NAV3: variants seen among roughly 807,000 people sequenced by gnomAD.
The protein encoded by NAV3 is pore membrane and/or filament interacting like protein 1.
A neutral mutation model predicts 244.7 loss-of-function variants in NAV3; 87 were observed. The observed-to-expected ratio is 0.36, with a 90% CI of 0.30 to 0.42. NAV3 has a LOEUF of 0.42. Among genes scored for constraint, NAV3 ranks in the 20% least tolerant of loss-of-function variants. The pLI, the probability that NAV3 is intolerant of heterozygous loss-of-function variation, is 1.00. For missense variants in NAV3, 2,663 were observed against 2,893.3 expected, an observed-to-expected ratio of 0.92 and a Z score of 1.83; for synonymous variants, 1,126 against 1,042.2, an observed-to-expected ratio of 1.08 and a Z score of -1.55.
chr12:77,598,008 A>G (rs1427144503), intron 2 of NAV3, among the ~76,000 whole-genome samples: 1 of 152,060 alleles, frequency 6.6e-6, no homozygotes, highest in Admixed American at 6.6e-5. Context: ...CACTGAAAAA[A>G]ATACATCCCT....
At chr12:77,960,829 G>C (rs1193361720) in intron 3 of NAV3, among the ~76,000 whole-genome samples, 3 of 144,210 alleles carry the variant, frequency 2.1e-5, no homozygotes, top group Non-Finnish European at 3.0e-5. Context: ...TACATGTATG[G>C]TATGTGTAAT....
rs576915558 is a variant in NAV3, at chr12:77,587,947, A to G, written c.72+15681A>G. Reference sequence around the variant, plus strand: ...ATGTTAGAGTTGTGATCAAAGACACATATATAATAGTTTCCAGTCCATCAA... The same window carrying G: ...ATGTTAGAGTTGTGATCAAAGACACGTATATAATAGTTTCCAGTCCATCAA... On this transcript the variant is annotated intron_variant, in intron 2 of 8. Transcript: ENST00000550042. Among the ~76,000 whole-genome samples the G allele has an allele frequency of 2.6e-5, 4 of 152,324 alleles. No individual in the cohort carries two copies. In the East Asian group the frequency reaches 5.8e-4, roughly 22 times the overall value.
intron 1 of NAV3, among the ~76,000 whole-genome samples, chr12:77,914,580 A>G (rs562491695): frequency 1.1e-4 from 17 of 152,216 alleles, no homozygotes; most frequent in African/African-American, 4.1e-4. Context: ...AAATTCCCTC[A>G]AAGGGTTTGC....
Position 77,573,169 on chromosome 12 carries a change from G to A in NAV3, c.72+903G>A, listed in dbSNP as rs75552167. On this transcript the variant is annotated intron_variant, in intron 2 of 8. Transcript: ENST00000550042. Reference sequence around the variant, plus strand: ...ATGTGGATCTAAGGGCCATAATTAAGCTTTGTTTTTACATCAGTCTTAGAA... The same window carrying A: ...ATGTGGATCTAAGGGCCATAATTAAACTTTGTTTTTACATCAGTCTTAGAA... Among the ~76,000 whole-genome samples the A allele has an allele frequency of 1.6e-3, 238 of 152,226 alleles. 6 individuals carry two copies. The East Asian group carries it at 0.044, about 28-fold the overall frequency.
At chr12:78,103,601 C>T (rs1312403616) in intron 12 of NAV3, among the ~76,000 whole-genome samples, 1 of 152,130 alleles carries the variant, frequency 6.6e-6, no homozygotes, top group Non-Finnish European at 1.5e-5. Flanking sequence ...AAGACATACC[C>T]AAGACTGGAA....
chr12:77,762,877 C>G (rs993999661), intron 2 of NAV3, among the ~76,000 whole-genome samples: 1 of 152,118 alleles, frequency 6.6e-6, no homozygotes, highest in Admixed American at 6.5e-5. Context: ...TGGACTTTAC[C>G]TCTCCAGTAA....
intron 2 of NAV3, among the ~76,000 whole-genome samples, chr12:77,735,588 T>C (rs2137364307): frequency 6.6e-6 from 1 of 152,302 alleles, no homozygotes; most frequent in African/African-American, 2.4e-5. Flanking sequence ...TTTCCTTCTT[T>C]AAATTTTTCA....
chr12:78,010,379 T>A (rs1472556957), intron 8 of NAV3, among the ~76,000 whole-genome samples: 1 of 152,192 alleles, frequency 6.6e-6, no homozygotes, highest in Non-Finnish European at 1.5e-5. Context: ...AATTTACTTT[T>A]TGATGTTGGT....
At chr12:78,193,759 C>T (rs778753252) in intron 34 of NAV3, among the ~76,000 whole-genome samples, 3 of 152,010 alleles carry the variant, frequency 2.0e-5, no homozygotes, top group African/African-American at 4.8e-5. Flanking sequence ...TGCTTTATAC[C>T]TACCATCAGA....
At chr12:78,141,122 T>C (rs414290) in intron 20 of NAV3, among the ~76,000 whole-genome samples, 50,852 of 151,810 alleles carry the variant, frequency 0.33, 8,805 homozygotes, top group East Asian at 0.48. Context: ...TACCCATGGC[T>C]TCAAGCAATT....
intron 2 of NAV3, among the ~76,000 whole-genome samples, chr12:77,645,099 A>T (rs1399653860): frequency 6.6e-6 from 1 of 152,096 alleles, no homozygotes; most frequent in African/African-American, 2.4e-5. Flanking sequence ...CTGTTAGGCC[A>T]TGTTTTCTGG....
intron 2 of NAV3, among the ~76,000 whole-genome samples, chr12:77,771,722 A>G (rs1002842089): frequency 5.3e-5 from 8 of 151,656 alleles, no homozygotes; most frequent in Non-Finnish European, 7.4e-5. Flanking sequence ...ATGAGAACAC[A>G]TGGACACAGG....
intron 12 of NAV3, among the ~76,000 whole-genome samples, chr12:78,092,320 T>C (rs968309261): frequency 1.3e-5 from 2 of 151,640 alleles, no homozygotes; most frequent in Non-Finnish European, 2.9e-5. Context: ...AGAAAGGACG[T>C]TGGAGGGGTG....
At chr12:77,903,372 T>A (rs1346812935) in intron 1 of NAV3, among the ~76,000 whole-genome samples, 1 of 152,182 alleles carries the variant, frequency 6.6e-6, no homozygotes, top group Non-Finnish European at 1.5e-5. Context: ...TTGACAAACC[T>A]GTCAAAAACA....
chr12:77,733,984 A>G (rs1592629998), intron 2 of NAV3, among the ~76,000 whole-genome samples: 1 of 151,836 alleles, frequency 6.6e-6, no homozygotes, highest in Admixed American at 6.6e-5. Flanking sequence ...AGGTAAGTCA[A>G]GATTTTTGTT....
intron 8 of NAV3, chr12:78,011,000 T>A (rs1288218545): frequency 6.6e-6 from 1 of 152,162 alleles, no homozygotes; most frequent in African/African-American, 2.4e-5. Flanking sequence ...CTGTACATAG[T>A]TTCAGTAATT....
chr12:78,168,020 T>C (rs1451482540), intron 23 of NAV3, among the ~76,000 whole-genome samples: 2 of 151,756 alleles, frequency 1.3e-5, no homozygotes, highest in African/African-American at 2.4e-5. Flanking sequence ...AGAAAATATA[T>C]GCTTTATTAA....
chr12:77,877,143 T>C (rs17805002), intron 1 of NAV3, among the ~76,000 whole-genome samples: 21,743 of 152,074 alleles, frequency 0.14, 1,824 homozygotes, highest in Middle Eastern at 0.21. Flanking sequence ...TTACAAGAAA[T>C]GTCAAAATAC....
chr12:78,035,929 C>A (rs193091506), intron 9 of NAV3, among the ~76,000 whole-genome samples: 183 of 152,228 alleles, frequency 1.2e-3, no homozygotes, highest in African/African-American at 4.2e-3. Flanking sequence ...TGTGCTTTTA[C>A]AGCACAAATC....
Sources: gnomAD v4.1 joint callset for allele counts (sites outside exome capture counted in the v4.1 genomes callset) on GRCh38, gnomAD v4.1.1 for gene constraint, MANE v1.5 for transcripts, NCBI Gene and HGNC (gene_info 2026-07-23, HGNC 2026-07-21) for gene names.